The following FLI1 variants were observed in gnomAD, a reference collection of about 807,000 sequenced individuals.
FLI1 encodes Friend leukemia integration 1 transcription factor.
Under a neutral mutation model 53.1 loss-of-function variants are expected in FLI1, and 13 were observed. That is an observed-to-expected ratio of 0.24 (90% confidence interval 0.16 to 0.39). The LOEUF (loss-of-function observed/expected upper bound fraction) is 0.39, where lower values mean the gene tolerates loss of function less well. Ranked by LOEUF, FLI1 falls within the 10% of genes least tolerant of loss-of-function variation. The pLI is 1.00. For synonymous variants in FLI1, 244 were observed against 236.7 expected (o/e 1.03, Z -0.28); for missense variants, 424 against 600.5 (o/e 0.71, Z 3.07).
At chr11:128,694,389 CCGCGCCCCGGCTT>C (rs1271630262) in intron 1 of FLI1, 113 bp downstream of exon 1, 40 of 861,564 alleles carry the variant, frequency 4.6e-5, no homozygotes, top group Non-Finnish European at 6.1e-5. Flanking sequence ...TCCCTTCCCT[CCGCGCCCCGGCTT>C]CGCGCCGGCT....
chr11:128,784,692 C>T (rs1489749335), intron 5 of FLI1, among the ~76,000 whole-genome samples: 1 of 151,608 alleles, frequency 6.6e-6, no homozygotes, highest in Non-Finnish European at 1.5e-5. Flanking sequence ...AGCAAGCCCT[C>T]CCTCTATCCT....
intron 2 of FLI1, 33 bp from the exon 3 acceptor site, chr11:128,768,085 A>C (rs772074166): frequency 6.4e-7 from 1 of 1,572,892 alleles, no homozygotes; most frequent in Non-Finnish European, 8.7e-7. Flanking sequence ...GTCAGTGCTG[A>C]CCGCCTCTGG....
chr11:128,761,593 A>G (rs1253617903), intron 2 of FLI1, among the ~76,000 whole-genome samples: 5 of 152,066 alleles, frequency 3.3e-5, no homozygotes, highest in African/African-American at 1.2e-4. Context: ...CTTCATGCTC[A>G]ATGGAGACCC....
chr11:128,803,843 G>C (rs1942701904), intron 5 of FLI1: 1 of 152,162 alleles, frequency 6.6e-6, no homozygotes, highest in South Asian at 2.1e-4. Flanking sequence ...CTCATTCCAA[G>C]CTTGCAAGCA....
At chr11:128,694,613 C>T (rs1436860820) in intron 1 of FLI1, among the ~76,000 whole-genome samples, 29 of 148,864 alleles carry the variant, frequency 1.9e-4, no homozygotes, top group African/African-American at 7.2e-4. Flanking sequence ...GGCGAGAGAC[C>T]TCGGGGTCCA....
At chr11:128,698,733 T>TGTGTGCGTGTGAGA (rs766077047) in intron 1 of FLI1, among the ~76,000 whole-genome samples, 1 of 133,728 alleles carries the variant, frequency 7.5e-6, no homozygotes, top group Admixed American at 7.4e-5. Flanking sequence ...TGTGTGTGTG[T>TGTGTGCGTGTGAGA]GAGAGAGAGA....
intron 1 of FLI1, among the ~76,000 whole-genome samples, chr11:128,736,990 C>T (rs1020664722): frequency 6.6e-6 from 1 of 152,090 alleles, no homozygotes; most frequent in African/African-American, 2.4e-5. Context: ...GCCAAGCCTC[C>T]GACCACAAAC....
intron 1 of FLI1, among the ~76,000 whole-genome samples, chr11:128,701,847 C>T (rs1337189597): frequency 2.0e-5 from 3 of 152,150 alleles, no homozygotes; most frequent in South Asian, 2.1e-4. Flanking sequence ...GCTTTAACCT[C>T]GAATTTCTAG....
Position 128,776,726 on chromosome 11 carries a change from G to A in FLI1, c.589+3741G>A, listed in dbSNP as rs548565731. Among the ~76,000 whole-genome samples, 42 of 152,326 alleles carry A rather than the reference G, an allele frequency of 2.8e-4. 2 individuals carry two copies. The South Asian group carries it at 8.5e-3, about 31-fold the overall frequency. On this transcript the variant is annotated intron_variant, in intron 4 of 8. Coordinates refer to ENST00000527786, the MANE Select transcript of FLI1 (RefSeq NM_002017.5). ...TTGAAGCTGAACCCACTGAGGCCCA[G>A]ACAGCTTCAGAAATTGGTTCAAAGG...
chr11:128,769,766 G>C (rs1034127581), intron 3 of FLI1, among the ~76,000 whole-genome samples: 1 of 152,172 alleles, frequency 6.6e-6, no homozygotes, highest in African/African-American at 2.4e-5. Flanking sequence ...TAGGTGCCAG[G>C]CACCACGTAA....
intron 2 of FLI1, among the ~76,000 whole-genome samples, chr11:128,764,103 G>A (rs745837903): frequency 1.2e-4 from 19 of 152,144 alleles, no homozygotes; most frequent in African/African-American, 2.9e-4. Context: ...TCAGATGTGC[G>A]GGTCTGATGA....
intron 5 of FLI1, among the ~76,000 whole-genome samples, chr11:128,790,420 T>C (rs534441444): frequency 1.1e-3 from 168 of 152,114 alleles, no homozygotes; most frequent in Non-Finnish European, 1.9e-3. Context: ...GAAACCCCAA[T>C]CCCTCGGGAA....
chr11:128,800,366 T>A (rs1942596184), intron 5 of FLI1, among the ~76,000 whole-genome samples: 1 of 152,198 alleles, frequency 6.6e-6, no homozygotes, highest in Admixed American at 6.5e-5. Flanking sequence ...ACACAGAGGA[T>A]GAAGAGAGAG....
At chr11:128,807,718 T>C (rs1046569214) in intron 7 of FLI1, among the ~76,000 whole-genome samples, 3 of 152,324 alleles carry the variant, frequency 2.0e-5, no homozygotes, top group African/African-American at 7.2e-5. Flanking sequence ...GGAGAGGAAC[T>C]TGGAGATTTC....
chr11:128,778,682 A>G (rs1344345572), intron 4 of FLI1, among the ~76,000 whole-genome samples: 1 of 152,240 alleles, frequency 6.6e-6, no homozygotes, highest in Non-Finnish European at 1.5e-5. Flanking sequence ...TTCAGGGAGC[A>G]CTGCGTCCCC....
intron 3 of FLI1, among the ~76,000 whole-genome samples, chr11:128,771,066 C>T (rs1006835738): frequency 2.0e-5 from 3 of 152,206 alleles, no homozygotes; most frequent in East Asian, 1.9e-4. Flanking sequence ...TACTTACCAG[C>T]GATGGGGCTT....
chr11:128,758,880 A>G (rs1297133449), intron 2 of FLI1, among the ~76,000 whole-genome samples: 1 of 152,170 alleles, frequency 6.6e-6, no homozygotes, highest in Admixed American at 6.5e-5. Flanking sequence ...TGCTTGTAGA[A>G]ATGGAGACAG....
intron 2 of FLI1, among the ~76,000 whole-genome samples, chr11:128,762,803 A>G (rs1941174983): frequency 6.6e-6 from 1 of 152,136 alleles, no homozygotes; most frequent in African/African-American, 2.4e-5. Flanking sequence ...CTGAAAATAC[A>G]AAATTAGCCT....
intron 4 of FLI1, 42 bp from the exon 5 acceptor site, chr11:128,781,913 CAGA>C: frequency 6.7e-7 from 1 of 1,490,442 alleles, no homozygotes; most frequent in Non-Finnish European, 9.4e-7. Flanking sequence ...CTCTTGATCT[CAGA>C]AGAACATTTT....
Sources: gnomAD v4.1 joint callset for allele counts (sites outside exome capture counted in the v4.1 genomes callset) on GRCh38, gnomAD v4.1.1 for gene constraint, MANE v1.5 for transcripts, NCBI Gene and HGNC (gene_info 2026-07-23, HGNC 2026-07-21) for gene names.